The following CACNA2D3 variants were observed in gnomAD, a reference collection of about 807,000 sequenced individuals.
CACNA2D3 encodes calcium voltage-gated channel auxiliary subunit alpha2delta 3, also known as voltage-dependent calcium channel subunit alpha-2/delta-3.
CACNA2D3 carries 60 observed loss-of-function variants against 160.6 expected under a neutral mutation model. That is an observed-to-expected ratio of 0.37 (90% CI 0.30 to 0.46). The LOEUF (loss-of-function observed/expected upper bound fraction) is 0.46. Ranked by LOEUF, CACNA2D3 falls within the 20% of genes least tolerant of loss-of-function variation. CACNA2D3 has a pLI of 1.00. For synonymous variants in CACNA2D3, 558 were observed against 492.9 expected (o/e 1.13, Z -1.75); for missense variants, 1,205 against 1,365.0 (o/e 0.88, Z 1.85).
intron 34 of CACNA2D3, among the ~76,000 whole-genome samples, chr3:55,011,749 A>G (rs1369771655): frequency 2.6e-5 from 4 of 152,164 alleles, no homozygotes; most frequent in Non-Finnish European, 4.4e-5. Context: ...AAAGAAGACT[A>G]TCATGTCCCC....
intron 29 of CACNA2D3, among the ~76,000 whole-genome samples, chr3:54,972,004 T>TA (rs72351538): frequency 7.3e-5 from 11 of 151,318 alleles, no homozygotes; most frequent in East Asian, 3.9e-4. Context: ...TTTATAAATT[T>TA]AAAAAAAAAC....
rs192134952 is a variant in CACNA2D3, at chr3:54,915,467, G to A, written c.2449+15599G>A. On this transcript the variant is annotated intron_variant, in intron 27 of 37. Transcript: ENST00000474759. ...TTGTCCACAGTGTACCCTCAGCAAG[G>A]CTTCTATGACAGAAGGACATTTTTA... Among the ~76,000 whole-genome samples the A allele has an allele frequency of 1.5e-3, 221 of 152,306 alleles. 1 individual carries two copies. The highest frequency in any genetic ancestry group is 5.1e-3 in the African/African-American group (210 of 41,566).
intron 4 of CACNA2D3, among the ~76,000 whole-genome samples, chr3:54,391,671 C>G (rs989984895): frequency 6.6e-6 from 1 of 152,084 alleles, no homozygotes; most frequent in South Asian, 2.1e-4. Flanking sequence ...CCATGACACC[C>G]AGCTACTTCT....
intron 11 of CACNA2D3, among the ~76,000 whole-genome samples, chr3:54,713,369 T>A (rs577532470): frequency 6.6e-6 from 1 of 152,212 alleles, no homozygotes; most frequent in South Asian, 2.1e-4. Flanking sequence ...ATTTTATGAG[T>A]AACAAGAATG....
chr3:54,464,599 T>C (rs1700578020), intron 4 of CACNA2D3, among the ~76,000 whole-genome samples: 1 of 152,224 alleles, frequency 6.6e-6, no homozygotes, highest in African/African-American at 2.4e-5. Context: ...TATAATCTCC[T>C]GGTGTGCCGT....
chr3:54,585,730 G>GA (rs1702749066), intron 9 of CACNA2D3, among the ~76,000 whole-genome samples: 1 of 152,152 alleles, frequency 6.6e-6, no homozygotes, highest in Non-Finnish European at 1.5e-5. Context: ...AGTATCATGA[G>GA]AACAGCATAG....
chr3:54,763,480 G>A (rs929523498), intron 12 of CACNA2D3, among the ~76,000 whole-genome samples: 1 of 151,624 alleles, frequency 6.6e-6, no homozygotes, highest in African/African-American at 2.4e-5. Flanking sequence ...AAATGAACTA[G>A]CCTTTAATTT....
At chr3:54,693,696 A>T (rs182145949) in intron 11 of CACNA2D3, among the ~76,000 whole-genome samples, 1 of 152,310 alleles carries the variant, frequency 6.6e-6, no homozygotes, top group East Asian at 1.9e-4. Context: ...CAAGAGGTGG[A>T]GGTAGAAGAT....
intron 35 of CACNA2D3, among the ~76,000 whole-genome samples, chr3:55,028,996 C>T (rs1354942222): frequency 6.6e-6 from 1 of 152,150 alleles, no homozygotes; most frequent in Non-Finnish European, 1.5e-5. Context: ...TCGTGGGCTA[C>T]AGTTCAGAAA....
chr3:54,466,466 T>A (rs1203202351), intron 4 of CACNA2D3, among the ~76,000 whole-genome samples: 1 of 152,248 alleles, frequency 6.6e-6, no homozygotes, highest in African/African-American at 2.4e-5. Context: ...ATGCTGATGT[T>A]GTTGCCTTTT....
At chr3:54,515,188 G>GTC (rs1701529487) in intron 5 of CACNA2D3, among the ~76,000 whole-genome samples, 1 of 142,228 alleles carries the variant, frequency 7.0e-6, no homozygotes, top group Non-Finnish European at 1.5e-5. Context: ...GTGTGTGTGT[G>GTC]TGTGTGTGTG....
chr3:54,361,372 T>C (rs1486247221), intron 3 of CACNA2D3, among the ~76,000 whole-genome samples: 1 of 152,160 alleles, frequency 6.6e-6, no homozygotes, highest in Admixed American at 6.5e-5. Context: ...ATGATCTGTC[T>C]GGTTTTTGAT....
At chr3:55,061,393 G>C (rs965561776) in intron 35 of CACNA2D3, among the ~76,000 whole-genome samples, 6 of 152,186 alleles carry the variant, frequency 3.9e-5, no homozygotes, top group African/African-American at 1.4e-4. Flanking sequence ...ATGGCTTCTA[G>C]GGCTCAGCTC....
chr3:55,036,084 G>A (rs1191422375), intron 35 of CACNA2D3, among the ~76,000 whole-genome samples: 3 of 148,756 alleles, frequency 2.0e-5, no homozygotes, highest in Non-Finnish European at 4.4e-5. Context: ...GGTAGTGACT[G>A]TGCCAAGGGC....
At chr3:54,736,036 T>C (rs1271249116) in intron 11 of CACNA2D3, among the ~76,000 whole-genome samples, 54 of 39,720 alleles carry the variant, frequency 1.4e-3, no homozygotes, top group African/African-American at 1.7e-3. Context: ...TATATATATG[T>C]ATATATATAC....
At chr3:54,379,447 C>T (rs1403843630) in intron 3 of CACNA2D3, among the ~76,000 whole-genome samples, 3 of 152,190 alleles carry the variant, frequency 2.0e-5, no homozygotes, top group African/African-American at 4.8e-5. Context: ...ATAAGGATTA[C>T]TGAATATTAT....
At chr3:54,662,073 G>A (rs1049367716) in intron 11 of CACNA2D3, among the ~76,000 whole-genome samples, 5 of 152,048 alleles carry the variant, frequency 3.3e-5, no homozygotes, top group African/African-American at 1.2e-4. Flanking sequence ...ATTACATAAG[G>A]GCAGATATCA....
At chr3:54,483,677 TCA>T (rs913502555) in intron 4 of CACNA2D3, among the ~76,000 whole-genome samples, 20 of 152,338 alleles carry the variant, frequency 1.3e-4, no homozygotes, top group African/African-American at 4.3e-4. Context: ...GAGAAAAATA[TCA>T]CAGTCTCACC....
chr3:55,029,042 C>T (rs1457151176), intron 35 of CACNA2D3, among the ~76,000 whole-genome samples: 1 of 152,198 alleles, frequency 6.6e-6, no homozygotes, highest in Non-Finnish European at 1.5e-5. Context: ...CAACGAACAA[C>T]TCCAATTTCC....
Sources: gnomAD v4.1 joint callset for allele counts (sites outside exome capture counted in the v4.1 genomes callset) on GRCh38, gnomAD v4.1.1 for gene constraint, MANE v1.5 for transcripts, NCBI Gene and HGNC (gene_info 2026-07-23, HGNC 2026-07-21) for gene names.